The following SLC25A26 variants were observed in gnomAD, a reference collection of about 807,000 sequenced individuals.
The protein encoded by SLC25A26 is solute carrier family 25 member 26, also known as mitochondrial S-adenosylmethionine carrier protein.
In SLC25A26, 36 loss-of-function variants were observed where a neutral mutation model predicts 37.8. The observed-to-expected ratio is 0.95, with a 90% CI of 0.73 to 1.26. The LOEUF is 1.26. SLC25A26 is among the 50% of genes most tolerant of loss of function. SLC25A26 has a pLI of 0.00. For missense variants in SLC25A26, 390 were observed against 331.1 expected, an observed-to-expected ratio of 1.18 and a Z score of -1.38; for synonymous variants, 129 against 122.5, an observed-to-expected ratio of 1.05 and a Z score of -0.35.
chr3:66,169,956 A>T (rs187086289), intron 1 of SLC25A26, among the ~76,000 whole-genome samples: 2 of 152,140 alleles, frequency 1.3e-5, no homozygotes, highest in Non-Finnish European at 2.9e-5. Context: ...TCATACTTCC[A>T]GTGGGATGGG....
At chr3:66,230,709 G>A (rs932035637) in intron 1 of SLC25A26, among the ~76,000 whole-genome samples, 1 of 151,402 alleles carries the variant, frequency 6.6e-6, no homozygotes, top group African/African-American at 2.4e-5. Context: ...GTAGGCTGAG[G>A]CGGGAGAATC....
chr3:66,323,301 G>C (rs1166664000), intron 5 of SLC25A26, among the ~76,000 whole-genome samples: 1 of 152,220 alleles, frequency 6.6e-6, no homozygotes, highest in Non-Finnish European at 1.5e-5. Context: ...CAACCTTATA[G>C]TGATAAAAAT....
chr3:66,302,979 A>AC (rs1213659551), intron 5 of SLC25A26, among the ~76,000 whole-genome samples: 2 of 151,502 alleles, frequency 1.3e-5, no homozygotes, highest in Non-Finnish European at 1.5e-5. Context: ...GTCCATGGGG[A>AC]CCCCCCTTTG....
At chr3:66,178,688 G>A (rs776551223) in intron 1 of SLC25A26, among the ~76,000 whole-genome samples, 1 of 152,112 alleles carries the variant, frequency 6.6e-6, no homozygotes, top group African/African-American at 2.4e-5. Context: ...ATGTCTCTCA[G>A]TTACTTTGAT....
chr3:66,192,577 G>A (rs1177712311), intron 1 of SLC25A26, among the ~76,000 whole-genome samples: 2 of 152,158 alleles, frequency 1.3e-5, no homozygotes, highest in African/African-American at 4.8e-5. Flanking sequence ...AAAGGAGAAT[G>A]AATCTAAGTA....
chr3:66,228,559 T>G (rs1214223374), intron 1 of SLC25A26, among the ~76,000 whole-genome samples: 1 of 152,220 alleles, frequency 6.6e-6, no homozygotes, highest in African/African-American at 2.4e-5. Flanking sequence ...CAGATACATT[T>G]GTTGGCCTTT....
intron 5 of SLC25A26, among the ~76,000 whole-genome samples, chr3:66,343,203 T>C (rs2076248166): frequency 6.6e-6 from 1 of 152,258 alleles, no homozygotes; most frequent in Non-Finnish European, 1.5e-5. Context: ...TATGGAGCTG[T>C]ATTTGCTGGC....
In SLC25A26 at chr3:66,204,433, AAAAAAAG is replaced by A. The variant is rs1230703511; in HGVS notation, c.-353-16302_-353-16296del. Among the ~76,000 whole-genome samples, 6 of 92,560 alleles carry A rather than the reference AAAAAAAG, an allele frequency of 6.5e-5. 1 individual carries two copies. Among genetic ancestry groups the A allele is most frequent in the African/African-American group, 1.9e-4 (3 of 15,880 alleles). The allele number at this position is 92,560 out of a possible 152,430, so 60.7% of individuals were successfully genotyped here. Reference sequence around the variant, plus strand: ...TGAGTGATACTCCGTCTCAAAAAAAAAAAAAAGAAAAAAAGAAAAAAGAAAGAAAAAG... The same window carrying A: ...TGAGTGATACTCCGTCTCAAAAAAAAAAAAAAAGAAAAAAGAAAGAAAAAG... On this transcript the variant is annotated intron_variant, in intron 1 of 10. Transcript: ENST00000676754.
At chr3:66,200,317 T>C (rs1239949284) in intron 1 of SLC25A26, among the ~76,000 whole-genome samples, 3 of 152,154 alleles carry the variant, frequency 2.0e-5, no homozygotes, top group Non-Finnish European at 2.9e-5. Context: ...TTTACTACCT[T>C]TTCCCTGGCA....
At chr3:66,205,509 G>C (rs1169335824) in intron 1 of SLC25A26, among the ~76,000 whole-genome samples, 1 of 152,178 alleles carries the variant, frequency 6.6e-6, no homozygotes, top group Non-Finnish European at 1.5e-5. Context: ...CAAGGGTCTT[G>C]TGTCTACCCG....
At chr3:66,244,968 C>A (rs1030093646) in intron 3 of SLC25A26, among the ~76,000 whole-genome samples, 1 of 152,120 alleles carries the variant, frequency 6.6e-6, no homozygotes, top group East Asian at 1.9e-4. Context: ...CAGAGCGAGA[C>A]TCTGTCTCAA....
intron 5 of SLC25A26, among the ~76,000 whole-genome samples, chr3:66,287,262 C>G (rs923357838): frequency 1.3e-5 from 2 of 150,966 alleles, no homozygotes; most frequent in Admixed American, 1.3e-4. Flanking sequence ...CGCCATTGCA[C>G]TCTAGCCTGG....
At chr3:66,355,352 C>G (rs1020485596) in intron 6 of SLC25A26, among the ~76,000 whole-genome samples, 1 of 152,046 alleles carries the variant, frequency 6.6e-6, no homozygotes. Context: ...TACACATCAA[C>G]GCATATAAAA....
At chr3:66,162,934 A>G (rs2070380249) in intron 1 of SLC25A26, among the ~76,000 whole-genome samples, 1 of 152,216 alleles carries the variant, frequency 6.6e-6, no homozygotes, top group African/African-American at 2.4e-5. Flanking sequence ...TGCTTCATTA[A>G]GGCCACAGAG....
chr3:66,308,668 CTATTCCATAACTATTCCATA>C (rs1176061885), intron 5 of SLC25A26, among the ~76,000 whole-genome samples: 1 of 151,802 alleles, frequency 6.6e-6, no homozygotes, highest in Non-Finnish European at 1.5e-5. Flanking sequence ...CTATTCATAA[CTATTCCATAACTATTCCATA>C]TATTCCGTAA....
intron 5 of SLC25A26, among the ~76,000 whole-genome samples, chr3:66,333,250 C>T (rs1259157943): frequency 6.6e-6 from 1 of 152,122 alleles, no homozygotes; most frequent in African/African-American, 2.4e-5. Flanking sequence ...TGCCTCTCCT[C>T]CGTCTTTTCA....
At chr3:66,237,318 C>T (rs985109669) in intron 2 of SLC25A26, among the ~76,000 whole-genome samples, 1 of 152,220 alleles carries the variant, frequency 6.6e-6, no homozygotes, top group Non-Finnish European at 1.5e-5. Flanking sequence ...ACTTTGCCTG[C>T]ACATTAGAAT....
chr3:66,147,046 T>A (rs1473906745), intron 1 of SLC25A26, among the ~76,000 whole-genome samples: 3 of 106,874 alleles, frequency 2.8e-5, no homozygotes, highest in Admixed American at 1.9e-4. Context: ...CGATGTATCT[T>A]CCCTTCCCTT....
At chr3:66,335,659 G>A (rs1020235693) in intron 5 of SLC25A26, among the ~76,000 whole-genome samples, 2 of 152,050 alleles carry the variant, frequency 1.3e-5, no homozygotes, top group African/African-American at 4.8e-5. Flanking sequence ...CGTATCGAGT[G>A]TCCTGTTAGG....
Sources: gnomAD v4.1 joint callset for allele counts (sites outside exome capture counted in the v4.1 genomes callset) on GRCh38, gnomAD v4.1.1 for gene constraint, MANE v1.5 for transcripts, NCBI Gene and HGNC (gene_info 2026-07-23, HGNC 2026-07-21) for gene names.